TJP1: variants seen among roughly 807,000 people sequenced by gnomAD.
TJP1 encodes the protein tight junction protein ZO-1.
In TJP1, 43 loss-of-function variants were observed where a neutral mutation model predicts 194.2. The ratio of observed to expected loss-of-function variants is 0.22; its 90% CI spans 0.17 to 0.29. The LOEUF (loss-of-function observed/expected upper bound fraction) is 0.29. Ranked by LOEUF, TJP1 falls within the 10% of genes least tolerant of loss-of-function variation. The probability of loss-of-function intolerance (pLI) is 1.00; values close to 1 mark genes in which losing one functional copy is unlikely to be tolerated. For missense variants in TJP1, 1,971 were observed against 2,185.7 expected, an observed-to-expected ratio of 0.90 and a Z score of 1.96; for synonymous variants, 801 against 779.0, an observed-to-expected ratio of 1.03 and a Z score of -0.47.
rs1052937532 is a variant in TJP1, at chr15:29,812,871, T to C, written c.27+9131A>G. On this transcript the variant is annotated intron_variant, in intron 1 of 27. Transcript: ENST00000614355. ...TTTTGACACATATTTCTCACACTTA[T>C]AACTAAAATGTAAGCCTACTTGCCA... 2.0e-5 allele frequency among the ~76,000 whole-genome samples: 3 copies of C among 152,174 alleles called. No individual in the cohort carries two copies. The South Asian group carries it at 6.2e-4, about 31-fold the overall frequency.
chr15:29,704,080 C>A, intron 27 of TJP1, 82 bp downstream of exon 27: 3 of 1,419,488 alleles, frequency 2.1e-6, no homozygotes, highest in Non-Finnish European at 2.9e-6. Flanking sequence ...TGCTAACACA[C>A]AGCATGGGCA....
intron 2 of TJP1, among the ~76,000 whole-genome samples, chr15:29,875,273 C>T (rs1425266229): frequency 1.3e-5 from 2 of 152,200 alleles, no homozygotes; most frequent in Admixed American, 1.3e-4. Context: ...GAAGATAAGC[C>T]TCTAATCTGT....
intron 5 of TJP1, among the ~76,000 whole-genome samples, chr15:29,763,819 A>G (rs1013574825): frequency 5.9e-5 from 9 of 152,118 alleles, no homozygotes; most frequent in African/African-American, 2.2e-4. Flanking sequence ...TAAGACAAAT[A>G]TACAAAGAGT....
chr15:29,720,772 G>C, intron 18 of TJP1, 64 bp from the exon 19 acceptor site: 2 of 1,239,384 alleles, frequency 1.6e-6, no homozygotes, highest in Non-Finnish European at 2.2e-6. Context: ...GGCCTTTATC[G>C]TACAAGGCAG....
At position 29,752,101 on chromosome 15, in the gene TJP1, C is replaced by CT. The variant is rs199750785; in HGVS notation, c.1010+9037dup. On this transcript the variant is annotated intron_variant, in intron 8 of 27. Transcript: ENST00000614355. ...GCACCACCACGCCCGGCTAAATACA[C>CT]TTTTTTTTTTTTTTCCCCCCAGACG... is the stretch of plus-strand genomic sequence containing the variant. Among the ~76,000 whole-genome samples, 560 of 143,566 alleles carry CT rather than the reference C, an allele frequency of 3.9e-3. 5 individuals are homozygous for CT. Among genetic ancestry groups the CT allele is most frequent in the East Asian group, 0.017 (84 of 4,944 alleles). 94.2% of individuals were successfully genotyped at this position (143,566 alleles called of 152,430 possible). A position where few individuals can be genotyped will look rare whatever the true frequency, so the allele number is the denominator to read the frequency against.
At chr15:29,789,217 C>G (rs2047913979) in intron 2 of TJP1, among the ~76,000 whole-genome samples, 1 of 151,942 alleles carries the variant, frequency 6.6e-6, no homozygotes, top group South Asian at 2.1e-4. Context: ...TGTAGACCTC[C>G]CAAGAGTGAC....
intron 8 of TJP1, among the ~76,000 whole-genome samples, chr15:29,754,920 A>G (rs1376908478): frequency 2.0e-5 from 3 of 152,174 alleles, no homozygotes; most frequent in African/African-American, 7.2e-5. Flanking sequence ...AAGATGAAAT[A>G]ATATTTATAG....
At chr15:29,707,196 A>G (rs773151565) in intron 25 of TJP1, among the ~76,000 whole-genome samples, 3 of 152,170 alleles carry the variant, frequency 2.0e-5, no homozygotes, top group Admixed American at 6.5e-5. Flanking sequence ...TTAACTTAGT[A>G]ATCACAGAAC....
rs185501346 is a variant in TJP1 at position 29,939,186 on chromosome 15, G to A, written c.306+17046C>T. On this transcript the variant is annotated intron_variant, in intron 2 of 28. Coordinates refer to the TJP1 transcript ENST00000356107. ...CAAACACGGAACATTCAAGTTCTGA[G>A]ATGATGCTGAGGCTCAATTTAAATG... 4.4e-4 allele frequency among the ~76,000 whole-genome samples: 67 copies of A among 152,338 alleles called. 1 individual carries two copies. The highest frequency in any genetic ancestry group is 4.3e-3 in the Admixed American group (66 of 15,302).
At chr15:29,742,949 C>T (rs45514291) in intron 8 of TJP1, 168 bp from the exon 9 acceptor site, 2 of 481,298 alleles carry the variant, frequency 4.2e-6, no homozygotes, top group Non-Finnish European at 6.6e-6. Context: ...AGCATTACCA[C>T]AGAAAAACCA....
intron 7 of TJP1, 33 bp from the exon 8 acceptor site, chr15:29,761,319 C>A (rs766412406): frequency 1.6e-5 from 26 of 1,611,070 alleles, no homozygotes; most frequent in Non-Finnish European, 2.0e-5. Flanking sequence ...TATTTTCCCA[C>A]AAAAATAATT....
At chr15:29,777,172 C>T (rs574568563) in intron 2 of TJP1, among the ~76,000 whole-genome samples, 1 of 152,244 alleles carries the variant, frequency 6.6e-6, no homozygotes, top group African/African-American at 2.4e-5. Context: ...TAACAAGACA[C>T]AGTTCTTACT....
intron 23 of TJP1, 112 bp from the exon 24 acceptor site, chr15:29,711,112 A>C: frequency 7.7e-7 from 1 of 1,299,706 alleles, no homozygotes; most frequent in South Asian, 1.7e-5. Context: ...GAAATTTCAC[A>C]ATTTATTCTC....
At position 29,720,704 on chromosome 15, in the gene TJP1, T is replaced by G; in HGVS notation, c.2417A>C (p.Asp806Ala). 1 of 1,576,316 alleles carries G rather than the reference T, an allele frequency of 6.3e-7. No individual in the cohort carries two copies. Among genetic ancestry groups the G allele is most frequent in the South Asian group, 1.2e-5 (1 of 85,764 alleles). The change falls in exon 19 of 28, where the codon GAT becomes GCT. Residue 806 changes from aspartate to alanine, a missense_variant. Physicochemically the swap from Asp to Ala is moderately radical, Grantham distance 126 (BLOSUM62 -2). Transcript: ENST00000614355. ...QLVWVSEGKA[D>A]GATSDDLDLH... ...ATCAAGGTCATCACTTGTAGCACCATCCGCCTGGGTCAAATAAAAGTAAAT... is the reference window on the plus strand; with the variant it reads ...ATCAAGGTCATCACTTGTAGCACCAGCCGCCTGGGTCAAATAAAAGTAAAT...
chr15:29,791,846 C>T (rs532509525), intron 2 of TJP1, among the ~76,000 whole-genome samples: 44 of 152,130 alleles, frequency 2.9e-4, no homozygotes, highest in African/African-American at 9.2e-4. Flanking sequence ...ATTATACTTT[C>T]GATTAGTATT....
At chr15:29,945,124 G>A (rs911951109) in intron 2 of TJP1, among the ~76,000 whole-genome samples, 4 of 152,060 alleles carry the variant, frequency 2.6e-5, no homozygotes, top group Non-Finnish European at 5.9e-5. Context: ...TTCCTCACTG[G>A]TGAGTAACTC....
In TJP1 at chr15:29,866,887, C is replaced by T. The variant is rs117371578; in HGVS notation, c.307-66185G>A. ...TAACCTGAGACAACCAGGAAGACAGCGGGATGGCCCCCAGCACACAAGGAC... is the reference window on the plus strand; with the variant it reads ...TAACCTGAGACAACCAGGAAGACAGTGGGATGGCCCCCAGCACACAAGGAC... On this transcript the variant is annotated intron_variant, in intron 2 of 28. Transcript: ENST00000356107. Among the ~76,000 whole-genome samples, 31 of 152,286 alleles carry T rather than the reference C, an allele frequency of 2.0e-4. 1 individual carries two copies. Among genetic ancestry groups the T allele is most frequent in the Middle Eastern group, 3.4e-3 (1 of 294 alleles).
At chr15:29,956,105 G>T in intron 2 of TJP1, 1 of 795,416 alleles carries the variant, frequency 1.3e-6, no homozygotes, top group Non-Finnish European at 1.6e-6. Flanking sequence ...AAACTGTTGG[G>T]TGAACCATTT....
At chr15:29,904,215 G>A (rs1047822238) in intron 2 of TJP1, among the ~76,000 whole-genome samples, 6 of 152,176 alleles carry the variant, frequency 3.9e-5, no homozygotes, top group Admixed American at 1.3e-4. Flanking sequence ...GCAGGAGAGT[G>A]ACAGGATGAT....
Sources: allele counts gnomAD v4.1 joint callset (sites outside exome capture counted in the v4.1 genomes callset), GRCh38; gene constraint gnomAD v4.1.1; transcripts MANE v1.5; gene names NCBI Gene and HGNC (gene_info 2026-07-23, HGNC 2026-07-21).